The following DCUN1D3 variants were observed in gnomAD, a reference collection of about 807,000 sequenced individuals.
DCUN1D3 encodes defective in cullin neddylation 1 domain containing 3.
DCUN1D3 carries 6 observed loss-of-function variants against 24.8 expected under a neutral mutation model. The ratio of observed to expected loss-of-function variants is 0.24; its 90% CI spans 0.13 to 0.48. DCUN1D3 has a LOEUF of 0.48. DCUN1D3 is among the 20% of genes least tolerant of loss of function. The pLI, the probability that DCUN1D3 is intolerant of heterozygous loss-of-function variation, is 0.99. For missense variants in DCUN1D3, 258 were observed against 379.4 expected (o/e 0.68, Z 2.66); for synonymous variants, 120 against 144.9 (o/e 0.83, Z 1.24).
chr16:20,898,039 A>T (rs982400132), intron 1 of DCUN1D3, among the ~76,000 whole-genome samples: 1 of 152,082 alleles, frequency 6.6e-6, no homozygotes, highest in African/African-American at 2.4e-5. Context: ...CGTGTTCACT[A>T]AGCTCTGGCT....
chr16:20,883,532 C>T (rs1021054578), intron 1 of DCUN1D3, among the ~76,000 whole-genome samples: 4 of 151,996 alleles, frequency 2.6e-5, no homozygotes, highest in Admixed American at 2.0e-4. Flanking sequence ...AATTTTTGTT[C>T]TGTTAAACTG....
chr16:20,889,119 T>C (rs2081880274), intron 1 of DCUN1D3, among the ~76,000 whole-genome samples: 1 of 151,962 alleles, frequency 6.6e-6, no homozygotes, highest in Non-Finnish European at 1.5e-5. Flanking sequence ...TCCCAGCTAC[T>C]TGGGAGGCTG....
At chr16:20,874,852 A>C (rs1466145387) in intron 1 of DCUN1D3, among the ~76,000 whole-genome samples, 1 of 152,062 alleles carries the variant, frequency 6.6e-6, no homozygotes, top group African/African-American at 2.4e-5. Context: ...ATTTTCACAA[A>C]TGCTCATGTA....
chr16:20,880,534 G>C (rs938968030), intron 1 of DCUN1D3, among the ~76,000 whole-genome samples: 1 of 143,884 alleles, frequency 7.0e-6, no homozygotes, highest in African/African-American at 2.5e-5. Context: ...GGGCCCAGAG[G>C]GCTGAGACTG....
At chr16:20,882,048 G>A (rs1352992037) in intron 1 of DCUN1D3, among the ~76,000 whole-genome samples, 3 of 151,714 alleles carry the variant, frequency 2.0e-5, no homozygotes, top group Admixed American at 1.3e-4. Flanking sequence ...TGATCTGCCC[G>A]CCTCAGCCTC....
intron 1 of DCUN1D3, among the ~76,000 whole-genome samples, chr16:20,870,835 T>C (rs1249077847): frequency 1.3e-5 from 2 of 152,216 alleles, no homozygotes; most frequent in South Asian, 2.1e-4. Flanking sequence ...TTCCTACATA[T>C]GTCAGATACC....
intron 1 of DCUN1D3, among the ~76,000 whole-genome samples, chr16:20,871,799 T>G (rs1450460330): frequency 6.6e-6 from 1 of 152,218 alleles, no homozygotes; most frequent in Non-Finnish European, 1.5e-5. Context: ...CTGTCACTAT[T>G]GATCTGGGCA....
At chr16:20,864,209 T>C (rs1596629036) in intron 1 of DCUN1D3, among the ~76,000 whole-genome samples, 1 of 152,172 alleles carries the variant, frequency 6.6e-6, no homozygotes, top group Non-Finnish European at 1.5e-5. Context: ...AAGAGATTCC[T>C]ACAGAATGGA....
At chr16:20,897,680 T>G (rs866780046) in intron 1 of DCUN1D3, among the ~76,000 whole-genome samples, 2 of 152,144 alleles carry the variant, frequency 1.3e-5, no homozygotes, top group Admixed American at 1.3e-4. Flanking sequence ...TAGAACACAT[T>G]CAGAGAACTT....
intron 2 of DCUN1D3, among the ~76,000 whole-genome samples, chr16:20,861,117 C>T (rs1382376784): frequency 1.3e-5 from 2 of 152,178 alleles, no homozygotes; most frequent in African/African-American, 2.4e-5. Context: ...TCTACAGGGA[C>T]ATATGACCAG....
intron 1 of DCUN1D3, among the ~76,000 whole-genome samples, chr16:20,888,982 C>T (rs968060479): frequency 6.6e-6 from 1 of 152,150 alleles, no homozygotes; most frequent in African/African-American, 2.4e-5. Context: ...AATCCCAGCA[C>T]TTTGGGAGGC....
chr16:20,884,452 A>G (rs561271056), intron 1 of DCUN1D3, among the ~76,000 whole-genome samples: 1 of 152,182 alleles, frequency 6.6e-6, no homozygotes, highest in Non-Finnish European at 1.5e-5. Context: ...TTGCCTACAC[A>G]TAATGACTAA....
At chr16:20,877,337 C>T (rs1165924942) in intron 1 of DCUN1D3, among the ~76,000 whole-genome samples, 1 of 152,142 alleles carries the variant, frequency 6.6e-6, no homozygotes, top group Non-Finnish European at 1.5e-5. Context: ...GACATGTGTT[C>T]CATGTTCAAC....
At chr16:20,872,670 C>T (rs952635279) in intron 1 of DCUN1D3, among the ~76,000 whole-genome samples, 1 of 151,894 alleles carries the variant, frequency 6.6e-6, no homozygotes, top group African/African-American at 2.4e-5. Flanking sequence ...CTCTTTCCTG[C>T]TGGCAAATTC....
intron 1 of DCUN1D3, among the ~76,000 whole-genome samples, chr16:20,886,762 T>C (rs2081869696): frequency 6.6e-6 from 1 of 152,232 alleles, no homozygotes; most frequent in Non-Finnish European, 1.5e-5. Flanking sequence ...TGATACACTC[T>C]TTGTTCTTTG....
intron 1 of DCUN1D3, among the ~76,000 whole-genome samples, chr16:20,897,571 T>G (rs1273755366): frequency 6.6e-6 from 1 of 152,186 alleles, no homozygotes; most frequent in African/African-American, 2.4e-5. Context: ...GAAACTTAGA[T>G]CCTGATGGTC....
chr16:20,898,549 A>G (rs1384037591), intron 1 of DCUN1D3, among the ~76,000 whole-genome samples: 6 of 152,256 alleles, frequency 3.9e-5, no homozygotes, highest in African/African-American at 1.4e-4. Flanking sequence ...AAGTGAGAAC[A>G]GTAGTCATTC....
chr16:20,878,461 T>A (rs2081827094), intron 1 of DCUN1D3, among the ~76,000 whole-genome samples: 1 of 152,226 alleles, frequency 6.6e-6, no homozygotes, highest in South Asian at 2.1e-4. Context: ...TCCAAGGGTT[T>A]ACTGAAGCCA....
intron 1 of DCUN1D3, among the ~76,000 whole-genome samples, chr16:20,882,936 A>G (rs1398342210): frequency 6.6e-6 from 1 of 152,236 alleles, no homozygotes; most frequent in Non-Finnish European, 1.5e-5. Flanking sequence ...TAACTTAAAA[A>G]TAACAGTCTG....
Sources: allele counts gnomAD v4.1 joint callset (sites outside exome capture counted in the v4.1 genomes callset), GRCh38; gene constraint gnomAD v4.1.1; transcripts MANE v1.5; gene names NCBI Gene and HGNC (gene_info 2026-07-23, HGNC 2026-07-21).